Variants in FGF13 observed in about 807,000 individuals in gnomAD.
FGF13 encodes fibroblast growth factor 13.
FGF13 carries 2 observed loss-of-function variants against 19.5 expected under a neutral mutation model. That is an observed-to-expected ratio of 0.10 (90% CI 0.04 to 0.32). The LOEUF is 0.32. FGF13 is among the 10% of genes least tolerant of loss of function. FGF13 has a pLI of 1.00. For synonymous variants in FGF13, 72 were observed against 76.9 expected, an observed-to-expected ratio of 0.94 and a Z score of 0.33; for missense variants, 113 against 192.7, an observed-to-expected ratio of 0.59 and a Z score of 2.45.
intron 1 of FGF13, among the ~76,000 whole-genome samples, chrX:138,736,062 G>A (rs1036235508): frequency 7.1e-5 from 8 of 111,916 alleles, no homozygotes; most frequent in African/African-American, 2.3e-4. Flanking sequence ...TGGCCCTGCC[G>A]GAATGAAAAT....
intron 3 of FGF13, among the ~76,000 whole-genome samples, chrX:138,834,884 T>A (rs923359725): frequency 6.3e-5 from 7 of 111,866 alleles, no homozygotes; most frequent in Non-Finnish European, 1.3e-4. Context: ...TTCAATGAAC[T>A]TCTTGATTTC....
intron 1 of FGF13, among the ~76,000 whole-genome samples, chrX:139,125,912 A>C (rs1603211323): frequency 9.0e-6 from 1 of 111,546 alleles, no homozygotes; most frequent in Middle Eastern, 4.6e-3. Flanking sequence ...TCCCATGTAC[A>C]CCCTCAACCC....
At chrX:139,101,337 A>C (rs1180569266) in intron 1 of FGF13, among the ~76,000 whole-genome samples, 1 of 112,500 alleles carries the variant, frequency 8.9e-6, no homozygotes, top group East Asian at 2.8e-4. Context: ...CCTTGAAGCC[A>C]ACAGCTACTG....
chrX:138,983,715 G>T (rs1297823380), intron 1 of FGF13, among the ~76,000 whole-genome samples: 1 of 110,662 alleles, frequency 9.0e-6, no homozygotes, highest in Non-Finnish European at 1.9e-5. Flanking sequence ...ATCTTGAAAA[G>T]ATATTTGGAT....
chrX:138,977,927 A>G (rs967017024), intron 1 of FGF13, among the ~76,000 whole-genome samples: 5 of 112,286 alleles, frequency 4.5e-5, no homozygotes, highest in Non-Finnish European at 9.4e-5. Context: ...TATAAATTTA[A>G]CTGTACATTA....
chrX:138,950,101 T>C (rs1430377702), intron 1 of FGF13, among the ~76,000 whole-genome samples: 6 of 111,885 alleles, frequency 5.4e-5, no homozygotes, highest in Non-Finnish European at 9.4e-5. Context: ...ATCATTCAAA[T>C]ATGTGTTTCC....
chrX:138,836,081 G>T, intron 3 of FGF13, among the ~76,000 whole-genome samples: 1 of 111,032 alleles, frequency 9.0e-6, no homozygotes, highest in Non-Finnish European at 1.9e-5. Flanking sequence ...TCCCTTTTTA[G>T]GTGACCTGGC....
chrX:138,792,625 C>A (rs1421295564), intron 3 of FGF13, among the ~76,000 whole-genome samples: 1 of 111,906 alleles, frequency 8.9e-6, no homozygotes, highest in African/African-American at 3.3e-5. Context: ...TTTCAGTGAA[C>A]AAATGGACCT....
intron 1 of FGF13, among the ~76,000 whole-genome samples, chrX:138,905,864 A>G (rs749295626): frequency 7.2e-5 from 8 of 111,513 alleles, no homozygotes; most frequent in Admixed American, 3.8e-4. Flanking sequence ...AGCTTCACCA[A>G]TGAACCACAG....
intron 1 of FGF13, among the ~76,000 whole-genome samples, chrX:138,903,247 A>G (rs1449089633): frequency 4.5e-5 from 5 of 111,754 alleles, no homozygotes; most frequent in Admixed American, 9.5e-5. Flanking sequence ...GTAGGAACCA[A>G]TAAAACTATA....
At chrX:138,744,706 G>A (rs1327774267) in intron 3 of FGF13, among the ~76,000 whole-genome samples, 3 of 111,478 alleles carry the variant, frequency 2.7e-5, no homozygotes, top group Non-Finnish European at 5.6e-5. Flanking sequence ...ATGTGCAGGA[G>A]TTATAAATAT....
chrX:139,021,009 G>A (rs1350116061), intron 1 of FGF13, among the ~76,000 whole-genome samples: 1 of 111,105 alleles, frequency 9.0e-6, no homozygotes, highest in African/African-American at 3.3e-5. Flanking sequence ...GATTATGACC[G>A]GGTGATGAAA....
chrX:139,086,281 C>T (rs1248194816), intron 1 of FGF13, among the ~76,000 whole-genome samples: 1 of 111,125 alleles, frequency 9.0e-6, no homozygotes, highest in African/African-American at 3.3e-5. Flanking sequence ...CAGGCAGGCA[C>T]CTACCTACTG....
chrX:138,733,990 C>T (rs1379885998), intron 1 of FGF13, among the ~76,000 whole-genome samples: 1 of 110,939 alleles, frequency 9.0e-6, no homozygotes, highest in Non-Finnish European at 1.9e-5. Flanking sequence ...TTTAGAAAAG[C>T]TATATAGGAC....
intron 1 of FGF13, among the ~76,000 whole-genome samples, chrX:139,013,477 TTTTATATATATATATATATATA>T (rs1262054932): frequency 3.1e-4 from 20 of 64,735 alleles, no homozygotes; most frequent in South Asian, 1.0e-3. Context: ...ATAAAGAAAA[TTTTATATATATATATATATATA>T]TATATATATA....
At chrX:139,132,527 T>A (rs1330375941) in intron 1 of FGF13, among the ~76,000 whole-genome samples, 9 of 112,243 alleles carry the variant, frequency 8.0e-5, no homozygotes, top group Non-Finnish European at 1.7e-4. Context: ...TGTATCTAAG[T>A]CCAAGTATGT....
intron 3 of FGF13, among the ~76,000 whole-genome samples, chrX:138,745,900 C>G (rs1204940766): frequency 9.0e-6 from 1 of 111,548 alleles, no homozygotes; most frequent in Non-Finnish European, 1.9e-5. Flanking sequence ...CCAGGCCTGG[C>G]AAGACTCAGA....
chrX:139,136,197 T>C (rs2083798688), intron 1 of FGF13, among the ~76,000 whole-genome samples: 1 of 111,096 alleles, frequency 9.0e-6, no homozygotes, highest in Non-Finnish European at 1.9e-5. Flanking sequence ...GTGTTGTTTT[T>C]TCAATATATT....
intron 1 of FGF13, among the ~76,000 whole-genome samples, chrX:139,034,676 G>A (rs964088785): frequency 2.7e-5 from 3 of 111,133 alleles, no homozygotes; most frequent in African/African-American, 9.8e-5. Flanking sequence ...CTTGAAGACT[G>A]GGCTTATTTT....
Sources: allele counts gnomAD v4.1 joint callset (sites outside exome capture counted in the v4.1 genomes callset), GRCh38; gene constraint gnomAD v4.1.1; transcripts MANE v1.5; gene names NCBI Gene and HGNC (gene_info 2026-07-23, HGNC 2026-07-21).